AHRR: variants seen among roughly 807,000 people sequenced by gnomAD.
AHRR encodes aryl hydrocarbon receptor repressor, also known as ahR repressor.
In AHRR, 28 loss-of-function variants were observed where a neutral mutation model predicts 44.0. The ratio of observed to expected loss-of-function variants is 0.64; its 90% confidence interval spans 0.47 to 0.87. The LOEUF is 0.87. Ranked by LOEUF, AHRR falls within the 40% of genes least tolerant of loss-of-function variation. The pLI, the probability that AHRR is intolerant of heterozygous loss-of-function variation, is 0.00. For synonymous variants in AHRR, 434 were observed against 407.0 expected (o/e 1.07, Z -0.80); for missense variants, 990 against 953.9 (o/e 1.04, Z -0.50).
chr5:432,962 G>A lies in AHRR; in HGVS notation c.1112+15G>A, dbSNP rs1381438641. 1 of 1,577,960 alleles carries A rather than the reference G, an allele frequency of 6.3e-7. No homozygotes were observed. The highest frequency in any genetic ancestry group is 8.6e-7 in the Non-Finnish European group (1 of 1,161,522). ...GGGGGCTCAGGGTAAGTGGTGCCAG[G>A]CAGCCTCCCCCAGCCCTGGCAGCTC... On this transcript the variant is annotated intron_variant, in intron 10 of 10. Coordinates refer to ENST00000684583, the MANE Select transcript of AHRR (RefSeq NM_001377236.1).
chr5:428,427 G>T (rs906227154), intron 8 of AHRR, among the ~76,000 whole-genome samples: 18 of 152,226 alleles, frequency 1.2e-4, no homozygotes, highest in Non-Finnish European at 1.8e-4. Flanking sequence ...GTCCCTGGTG[G>T]GCAGATGGAG....
chr5:340,711 T>C (rs1315941491), intron 1 of AHRR, among the ~76,000 whole-genome samples: 1 of 103,062 alleles, frequency 9.7e-6, no homozygotes, highest in Non-Finnish European at 2.1e-5. Context: ...TTTTTTTTTT[T>C]TTGAGTTGGA....
chr5:394,613 G>A (rs1734615344), intron 4 of AHRR, among the ~76,000 whole-genome samples: 2 of 147,724 alleles, frequency 1.4e-5, no homozygotes, highest in African/African-American at 5.0e-5. Flanking sequence ...CCTGTGTGCT[G>A]GAGCCCTCTT....
In AHRR at chr5:346,849, G is replaced by T. The variant is rs7727676; in HGVS notation, c.62+2885G>T. Among the ~76,000 whole-genome samples the T allele has an allele frequency of 3.3e-5, 5 of 152,090 alleles. No homozygotes were observed. The South Asian group carries it at 6.2e-4, about 19-fold the overall frequency. On this transcript the variant is annotated intron_variant, in intron 2 of 10. Coordinates refer to ENST00000684583, the MANE Select transcript of AHRR (RefSeq NM_001377236.1). ...GGAAGCTCACGTAGCTTGCTGTGCCGTGAGTAGTAAGCCCTTTGTCTCCGC... is the reference window on the plus strand; with the variant it reads ...GGAAGCTCACGTAGCTTGCTGTGCCTTGAGTAGTAAGCCCTTTGTCTCCGC...
intron 4 of AHRR, among the ~76,000 whole-genome samples, chr5:403,575 G>C: frequency 6.7e-6 from 1 of 150,232 alleles, no homozygotes. Context: ...GGCGGAGGTT[G>C]CAGTGAGCCG....
Position 434,466 on chromosome 5 carries a change from C to G in AHRR, c.1726C>G (p.Pro576Ala), listed in dbSNP as rs200762873. The G allele has an allele frequency of 1.0e-3, 1,646 of 1,613,448 alleles. 3 individuals carry two copies. Among genetic ancestry groups the G allele is most frequent in the Middle Eastern group, 2.3e-3 (14 of 6,062 alleles). The change falls in exon 11 of 11, where the codon CCA (proline) becomes GCA (alanine). Residue 576 changes from proline (P) to alanine (A), a missense_variant. By Grantham distance (27) the Pro-to-Ala change is conservative. Transcript: ENST00000684583. ...FPTRMHLKTE[P>A]DSRQQVYISH... ...TACCAGGATGCACCTGAAAACAGAG[C>G]CAGACTCTCGGCAACAGGTGTACAT... is the stretch of plus-strand genomic sequence containing the variant.
At chr5:376,111 G>A (rs1471870477) in intron 3 of AHRR, among the ~76,000 whole-genome samples, 5 of 152,070 alleles carry the variant, frequency 3.3e-5, no homozygotes, top group Non-Finnish European at 4.4e-5. Context: ...ATGCGGGTGT[G>A]CAGGGCACAG....
intron 5 of AHRR, among the ~76,000 whole-genome samples, chr5:418,021 C>T (rs960984171): frequency 3.3e-5 from 5 of 152,164 alleles, no homozygotes; most frequent in South Asian, 2.1e-4. Context: ...ATAAGTTGTT[C>T]GTTCTCTCAA....
rs776042722 is a variant in AHRR, at chr5:427,956, G to C, written c.858G>C (p.Ala286=). 1 of 1,613,998 alleles carries C rather than the reference G, an allele frequency of 6.2e-7. No homozygotes were observed. The highest frequency in any genetic ancestry group is 1.3e-5 in the African/African-American group (1 of 75,062). The change falls in exon 8 of 11, where the codon GCG becomes GCC. Residue 286 remains alanine (A), a synonymous_variant. Coordinates refer to ENST00000684583, the MANE Select transcript of AHRR (RefSeq NM_001377236.1). The part of the protein sequence containing the change: ...PSAAEMKMRS[A]LLRAKPRADT... Reference sequence around the variant, plus strand: ...CAGCGGAGATGAAAATGAGGAGCGCGCTCCTGAGGGCAAAACCCAGAGCAG... The same window carrying C: ...CAGCGGAGATGAAAATGAGGAGCGCCCTCCTGAGGGCAAAACCCAGAGCAG...
chr5:433,072 C>A, intron 10 of AHRR, 125 bp downstream of exon 10: 2 of 1,189,226 alleles, frequency 1.7e-6, no homozygotes, highest in South Asian at 1.6e-5. Context: ...TTGGCCACCA[C>A]ACGAGCCACA....
rs1735170183 is a variant in AHRR at position 404,442 on chromosome 5, T to C, written c.352-8902T>C. 1.9e-6 allele frequency: 1 copy of C among 536,642 alleles called. No individual in the cohort carries two copies. Among genetic ancestry groups the C allele is most frequent in the Non-Finnish European group, 3.8e-6 (1 of 263,382 alleles). 33.2% of individuals were successfully genotyped at this position (536,642 alleles called of 1,614,324 possible). A position where few individuals can be genotyped will look rare whatever the true frequency, so the allele number is the denominator to read the frequency against. ...TGGGGCAGAAGCAACAGGGGACCACTGTGCTGGTGCTGTCGTGCACGGTGT... is the reference window on the plus strand; with the variant it reads ...TGGGGCAGAAGCAACAGGGGACCACCGTGCTGGTGCTGTCGTGCACGGTGT... On this transcript the variant is annotated intron_variant, in intron 4 of 10. Coordinates refer to ENST00000684583, the MANE Select transcript of AHRR (RefSeq NM_001377236.1). The surrounding 1 kb of genome is among the most constrained non-coding windows in gnomAD (Gnocchi z 4.1).
At chr5:339,915 C>T (rs758933236) in intron 1 of AHRR, among the ~76,000 whole-genome samples, 41 of 152,188 alleles carry the variant, frequency 2.7e-4, no homozygotes, top group Non-Finnish European at 5.1e-4. Context: ...GATGTATCAT[C>T]CTTTTTATAT....
At chr5:359,747 T>G (rs1743109225) in intron 3 of AHRR, among the ~76,000 whole-genome samples, 1 of 151,636 alleles carries the variant, frequency 6.6e-6, no homozygotes, top group African/African-American at 2.4e-5. Flanking sequence ...GTCCTGGCTC[T>G]GAAGCCCACC....
intron 1 of AHRR, among the ~76,000 whole-genome samples, chr5:328,928 A>G (rs1034017751): frequency 6.6e-6 from 1 of 152,148 alleles, no homozygotes; most frequent in African/African-American, 2.4e-5. Context: ...GTAATTTGAA[A>G]TCATGTAGTG....
At chr5:431,279 G>T (rs116538208) in intron 8 of AHRR, among the ~76,000 whole-genome samples, 2 of 152,228 alleles carry the variant, frequency 1.3e-5, no homozygotes, top group African/African-American at 4.8e-5. Context: ...GAGACCCCCT[G>T]TGGGGCTGTG....
At chr5:422,157 G>C (rs962825894) in intron 5 of AHRR, among the ~76,000 whole-genome samples, 2 of 152,170 alleles carry the variant, frequency 1.3e-5, no homozygotes, top group African/African-American at 4.8e-5. Flanking sequence ...AGTCTTCGTG[G>C]CCCGCAGTGT....
At chr5:359,265 GCGAGTGGAGGCCCTCAGTCAC>G (rs1376950596) in intron 3 of AHRR, among the ~76,000 whole-genome samples, 75 of 26,584 alleles carry the variant, frequency 2.8e-3, no homozygotes, top group South Asian at 9.3e-3. Context: ...AAGAGCGCCC[GCGAGTGGAGGCCCTCAGTCAC>G]GGAGTCCACC....
In AHRR at chr5:432,971, C is replaced by G. The variant is rs979633162; in HGVS notation, c.1112+24C>G. The G allele has an allele frequency of 1.9e-6, 3 of 1,563,354 alleles. No homozygotes were observed. The Admixed American group carries it at 5.7e-5, about 30-fold the overall frequency. Reference sequence around the variant, plus strand: ...GGGTAAGTGGTGCCAGGCAGCCTCCCCCAGCCCTGGCAGCTCCCTAAGTCA... The same window carrying G: ...GGGTAAGTGGTGCCAGGCAGCCTCCGCCAGCCCTGGCAGCTCCCTAAGTCA... On this transcript the variant is annotated intron_variant, in intron 10 of 10. Transcript: ENST00000684583.
At chr5:344,059 G>A in intron 2 of AHRR, 95 bp downstream of exon 2, 3 of 1,342,432 alleles carry the variant, frequency 2.2e-6, no homozygotes, top group Non-Finnish European at 1.0e-6. Flanking sequence ...GGAACAGGGC[G>A]AGCGAGGAAG....
Sources: allele counts gnomAD v4.1 joint callset (sites outside exome capture counted in the v4.1 genomes callset), GRCh38; gene constraint gnomAD v4.1.1; non-coding constraint Gnocchi (gnomAD v3.1); transcripts MANE v1.5; gene names NCBI Gene and HGNC (gene_info 2026-07-23, HGNC 2026-07-21).